RBM28: variants seen among roughly 807,000 people sequenced by gnomAD.
The protein encoded by RBM28 is RNA binding motif protein 28, also known as RNA-binding protein 28.
RBM28 carries 78 observed loss-of-function variants against 98.3 expected under a neutral mutation model. The ratio of observed to expected loss-of-function variants is 0.79; its 90% CI spans 0.66 to 0.96. The LOEUF is 0.96. RBM28 is among the 40% of genes least tolerant of loss of function. The probability of loss-of-function intolerance (pLI) is 0.00; values close to 1 mark genes in which losing one functional copy is unlikely to be tolerated. For missense variants in RBM28, 838 were observed against 913.0 expected (o/e 0.92, Z 1.06); for synonymous variants, 306 against 330.9 (o/e 0.92, Z 0.82).
rs184132586 is a variant in RBM28 at position 128,340,248 on chromosome 7, T to C, written c.119-457A>G. Among the ~76,000 whole-genome samples the C allele has an allele frequency of 8.5e-5, 13 of 152,308 alleles. No homozygotes were observed. In the East Asian group the frequency reaches 1.9e-3, roughly 23 times the overall value. ...TAGCAGTATTGAAAGGTGGAGTCTT[T>C]AAGAGGTGACTGGATCAGAGGACTC... On this transcript the variant is annotated intron_variant, in intron 1 of 18. Coordinates refer to ENST00000223073, the MANE Select transcript of RBM28 (RefSeq NM_018077.3).
In RBM28 at chr7:128,333,536, G is replaced by A. The variant is rs568896090; in HGVS notation, c.947-174C>T. On this transcript the variant is annotated intron_variant, in intron 8 of 18. Coordinates refer to ENST00000223073, the MANE Select transcript of RBM28 (RefSeq NM_018077.3). The stretch of plus-strand genomic sequence containing the variant: ...AGTTCGAGACCAGCCTGGCCAACAT[G>A]GCAAAACCCTGTCTCTACTAAAAAT... 9.9e-5 allele frequency among the ~76,000 whole-genome samples: 15 copies of A among 152,178 alleles called. No individual in the cohort carries two copies. In the East Asian group the frequency reaches 2.7e-3, roughly 27 times the overall value.
rs191025394 is a variant in RBM28 at position 128,323,717 on chromosome 7, G to A, written c.1340-126C>T. The A allele has an allele frequency of 1.0e-4, 105 of 1,035,726 alleles. 1 individual carries two copies. In the Admixed American group the frequency reaches 1.5e-3, roughly 15 times the overall value. The allele number at this position is 1,035,726 out of a possible 1,614,324, so 64.2% of individuals were successfully genotyped here. A position where few individuals can be genotyped will look rare whatever the true frequency, so the allele number is the denominator to read the frequency against. On this transcript the variant is annotated intron_variant, in intron 12 of 18. Coordinates refer to ENST00000223073, the MANE Select transcript of RBM28 (RefSeq NM_018077.3). ...CAGAGGACTATCTTGGCCAGGACAC[G>A]GTGGCATTTGGTTAGGTCCAGAAAT...
At chr7:128,337,841 G>A (rs1584662998) in intron 5 of RBM28, among the ~76,000 whole-genome samples, 1 of 152,152 alleles carries the variant, frequency 6.6e-6, no homozygotes, top group East Asian at 1.9e-4. Context: ...GATTACAGGT[G>A]TGAGCCACCG....
At chr7:128,332,022 G>T (rs1007245355) in intron 9 of RBM28, among the ~76,000 whole-genome samples, 2 of 152,090 alleles carry the variant, frequency 1.3e-5, no homozygotes, top group African/African-American at 4.8e-5. Context: ...TTTATTAAAA[G>T]GTGTATAAGG....
chr7:128,306,123 C>T lies in RBM28; in HGVS notation c.*4674G>A, dbSNP rs1795862983. On this transcript the variant is annotated 3_prime_UTR_variant, in exon 19 of 19. Transcript: ENST00000223073. ...TAAGCCACAATGGCATATGCTTTGT[C>T]GAATGAGAGGGTACCAATCAGCGAG... 6.6e-6 allele frequency: 1 copy of T among 152,210 alleles called. No homozygotes were observed. The allele number at this position is 152,210 out of a possible 1,614,324, so 9.4% of individuals were successfully genotyped here.
At chr7:128,311,409 G>A (rs1168595570) in intron 18 of RBM28, among the ~76,000 whole-genome samples, 2 of 152,160 alleles carry the variant, frequency 1.3e-5, no homozygotes, top group Admixed American at 6.5e-5. Context: ...AAGAGACTAG[G>A]GAAGGGGAGA....
chr7:128,331,566 T>C (rs1454491759), intron 9 of RBM28, among the ~76,000 whole-genome samples: 8 of 152,192 alleles, frequency 5.3e-5, no homozygotes, highest in Non-Finnish European at 2.9e-5. Flanking sequence ...ATTAGCCATT[T>C]TTTCCTCTGT....
At position 128,301,942 on chromosome 7, in the gene RBM28, G is replaced by C. The variant is rs1451197013; in HGVS notation, c.*8855C>G. On this transcript the variant is annotated 3_prime_UTR_variant, in exon 19 of 19. Coordinates refer to ENST00000223073, the MANE Select transcript of RBM28 (RefSeq NM_018077.3). ...TGTGTCCCAAGCTCTGAAAATGCAA[G>C]AGGTGCTTGGAGCAAACAGGGAGTG... 6.6e-6 allele frequency: 1 copy of C among 152,230 alleles called. No individual in the cohort carries two copies. Among genetic ancestry groups the C allele is most frequent in the African/African-American group, 2.4e-5 (1 of 41,440 alleles). 9.4% of individuals were successfully genotyped at this position (152,230 alleles called of 1,614,324 possible).
rs1795765364 is a variant in RBM28, at chr7:128,300,474, A to G, written c.*10323T>C. On this transcript the variant is annotated 3_prime_UTR_variant, in exon 19 of 19. Transcript: ENST00000223073. The stretch of plus-strand genomic sequence containing the variant: ...TGGCACAGACGGGTGCACAGTTAAT[A>G]TTCAGTTAACACCGGCTGGCTGAAT... 1 of 152,280 alleles carries G rather than the reference A, an allele frequency of 6.6e-6. No homozygotes were observed. Among genetic ancestry groups the G allele is most frequent in the Admixed American group, 6.5e-5 (1 of 15,286 alleles). The allele number at this position is 152,280 out of a possible 1,614,324, so 9.4% of individuals were successfully genotyped here.
At chr7:128,317,299 T>C (rs1562949877) in intron 16 of RBM28, among the ~76,000 whole-genome samples, 2 of 152,208 alleles carry the variant, frequency 1.3e-5, no homozygotes, top group Admixed American at 6.5e-5. Flanking sequence ...TTCACACTTC[T>C]GGAGCCAACT....
Position 128,323,524 on chromosome 7 carries a change from C to T in RBM28, c.1404+3G>A. 1.2e-6 allele frequency: 2 copies of T among 1,614,208 alleles called. No individual in the cohort carries two copies. The highest frequency in any genetic ancestry group is 1.7e-6 in the Non-Finnish European group (2 of 1,180,014). ...CGTGAAGGTCAATGCCTAATCTACT[C>T]ACCCGTTCTCTTTTGGCCATATCAG... On this transcript the variant is annotated splice_donor_region_variant and intron_variant, in intron 13 of 18. Transcript: ENST00000223073.
In RBM28 at chr7:128,338,761, C is replaced by G; in HGVS notation, c.413G>C (p.Gly138Ala). ...AGGGATATTTACTTCCAGGACAGCT[C>G]CAAATTGAGCAAATACTGTCTTCAA... ...DDLKTVFAQF[G>A]AVLEVNIPRK... The change falls in exon 4 of 19, where the codon GGA (glycine) becomes GCA (alanine). Residue 138 changes from glycine to alanine, a missense_variant. Gly to Ala is a moderately conservative substitution (Grantham distance 60, BLOSUM62 0). Coordinates refer to ENST00000223073, the MANE Select transcript of RBM28 (RefSeq NM_018077.3). 6.2e-7 allele frequency: 1 copy of G among 1,611,776 alleles called. No individual in the cohort carries two copies. The highest frequency in any genetic ancestry group is 1.1e-5 in the South Asian group (1 of 91,026).
rs1389074443 is a variant in RBM28, at chr7:128,304,146, T to C, written c.*6651A>G. 6.6e-6 allele frequency: 1 copy of C among 152,032 alleles called. No homozygotes were observed. Among genetic ancestry groups the C allele is most frequent in the African/African-American group, 2.4e-5 (1 of 41,278 alleles). The allele number at this position is 152,032 out of a possible 1,614,324, so 9.4% of individuals were successfully genotyped here. ...TATGTACAGAAATTTATTATAAATT[T>C]CATTGATAAAAATGATGTGCAGCAC... On this transcript the variant is annotated 3_prime_UTR_variant, in exon 19 of 19. Coordinates refer to ENST00000223073, the MANE Select transcript of RBM28 (RefSeq NM_018077.3).
At chr7:128,320,334 G>A (rs560368885) in intron 14 of RBM28, among the ~76,000 whole-genome samples, 1 of 149,012 alleles carries the variant, frequency 6.7e-6, no homozygotes, top group Non-Finnish European at 1.5e-5. Context: ...TTGGGGGGGG[G>A]GGGGGTGGCG....
At position 128,338,240 on chromosome 7, in the gene RBM28, G is replaced by C; in HGVS notation, c.541+10C>G. 1 of 1,607,452 alleles carries C rather than the reference G, an allele frequency of 6.2e-7. No individual in the cohort carries two copies. The highest frequency in any genetic ancestry group is 8.5e-7 in the Non-Finnish European group (1 of 1,173,896). ...TATCTGGGTCAATGATATGGGTATA[G>C]AAAGCTTACCTTTTATCTCTTTCAT... On this transcript the variant is annotated intron_variant, in intron 5 of 18. Coordinates refer to ENST00000223073, the MANE Select transcript of RBM28 (RefSeq NM_018077.3).
At chr7:128,317,571 G>T in intron 16 of RBM28, 88 bp downstream of exon 16, 1 of 1,042,266 alleles carries the variant, frequency 9.6e-7, no homozygotes, top group Non-Finnish European at 1.5e-6. Context: ...TAACTGAGGG[G>T]AGAACTACTC....
intron 10 of RBM28, among the ~76,000 whole-genome samples, chr7:128,330,064 A>T (rs1796443656): frequency 6.6e-6 from 1 of 152,118 alleles, no homozygotes; most frequent in Admixed American, 6.5e-5. Flanking sequence ...AAAAAAAAGA[A>T]ATCTAAGGCA....
At chr7:128,319,193 C>G (rs1562950757) in intron 14 of RBM28, among the ~76,000 whole-genome samples, 1 of 152,194 alleles carries the variant, frequency 6.6e-6, no homozygotes, top group Admixed American at 6.5e-5. Context: ...CCAGTGTCCA[C>G]TCTGTGCCTA....
intron 10 of RBM28, among the ~76,000 whole-genome samples, chr7:128,326,684 A>C (rs1262635042): frequency 6.6e-6 from 1 of 152,184 alleles, no homozygotes; most frequent in African/African-American, 2.4e-5. Context: ...ATGTATCCCC[A>C]TCATTAAGTG....
Sources: allele counts gnomAD v4.1 joint callset (sites outside exome capture counted in the v4.1 genomes callset), GRCh38; gene constraint gnomAD v4.1.1; transcripts MANE v1.5; gene names NCBI Gene and HGNC (gene_info 2026-07-23, HGNC 2026-07-21).